The following BAZ2B variants were observed in gnomAD, a reference collection of about 807,000 sequenced individuals.
BAZ2B encodes the protein bromodomain adjacent to zinc finger domain protein 2B.
BAZ2B carries 91 observed loss-of-function variants against 246.0 expected under a neutral mutation model. The observed-to-expected ratio is 0.37, with a 90% CI of 0.31 to 0.44. The LOEUF is 0.44. BAZ2B is among the 20% of genes least tolerant of loss of function. BAZ2B has a pLI of 1.00. For missense variants in BAZ2B, 2,332 were observed against 2,533.7 expected (o/e 0.92, Z 1.71); for synonymous variants, 855 against 860.0 (o/e 0.99, Z 0.10).
At chr2:159,623,030 A>C in the BAZ2B span, among the ~76,000 whole-genome samples, 1 of 112,300 alleles carries the variant, frequency 8.9e-6, no homozygotes, top group Non-Finnish European at 1.8e-5. Context: ...AGAAAAGAAG[A>C]AAGAAAGAGG....
intron 2 of BAZ2B, among the ~76,000 whole-genome samples, chr2:159,491,701 A>G (rs561257948): frequency 2.9e-4 from 30 of 103,608 alleles, no homozygotes; most frequent in Non-Finnish European, 4.6e-4. Context: ...AGCCCGGGCG[A>G]CAGAGCGAGA....
At chr2:159,406,992 G>C (rs891992253) in intron 14 of BAZ2B, among the ~76,000 whole-genome samples, 1 of 151,792 alleles carries the variant, frequency 6.6e-6, no homozygotes, top group Non-Finnish European at 1.5e-5. Flanking sequence ...CTGACCTCGT[G>C]ATTCACCTGC....
In BAZ2B at chr2:159,594,052, A is replaced by G. The variant is rs533998892; in HGVS notation, c.-46+22190T>C. ...TTTCCAGGCCTTTCAATTCTCTTTGAACTAAATTCTCAGACAATAAAAACA... is the reference window on the plus strand; with the variant it reads ...TTTCCAGGCCTTTCAATTCTCTTTGGACTAAATTCTCAGACAATAAAAACA... On this transcript the variant is annotated intron_variant, in intron 1 of 36. Transcript: ENST00000392783. Among the ~76,000 whole-genome samples, 4 of 152,282 alleles carry G rather than the reference A, an allele frequency of 2.6e-5. No individual in the cohort carries two copies. The South Asian group carries it at 8.3e-4, about 32-fold the overall frequency.
chr2:159,337,797 T>C, intron 31 of BAZ2B, 25 bp from the exon 32 acceptor site: 5 of 1,593,494 alleles, frequency 3.1e-6, no homozygotes, highest in African/African-American at 1.3e-5. Context: ...AATAGTGTTA[T>C]TATGGTTTCC....
the BAZ2B span, among the ~76,000 whole-genome samples, chr2:159,622,289 A>AGGC: frequency 4.0e-3 from 461 of 116,570 alleles, 12 homozygotes; most frequent in Middle Eastern, 0.033. Flanking sequence ...AAAAAGGCAA[A>AGGC]AACCAAAGTG....
the BAZ2B span, among the ~76,000 whole-genome samples, chr2:159,673,998 T>C: frequency 1.5e-4 from 23 of 150,084 alleles, no homozygotes; most frequent in East Asian, 4.3e-3. Flanking sequence ...ATAGTTTTTA[T>C]TTAAGAACAT....
upstream of BAZ2B, among the ~76,000 whole-genome samples, chr2:159,617,853 A>G (rs1442763087): frequency 2.6e-5 from 4 of 152,196 alleles, no homozygotes; most frequent in East Asian, 1.9e-4. Flanking sequence ...TTGTAACATA[A>G]TAAGTGCAAG....
intron 2 of BAZ2B, among the ~76,000 whole-genome samples, chr2:159,496,373 T>A (rs1432597675): frequency 2.7e-4 from 11 of 41,086 alleles, no homozygotes; most frequent in East Asian, 7.0e-4. Context: ...CAAGACTCCA[T>A]CTAAAAAAAA....
chr2:159,541,966 CAAT>C (rs1162181390), intron 2 of BAZ2B, among the ~76,000 whole-genome samples: 2 of 151,906 alleles, frequency 1.3e-5, no homozygotes, highest in Non-Finnish European at 2.9e-5. Context: ...ATGAGAATAT[CAAT>C]AAAGAAACAG....
chr2:159,426,539 G>C (rs2069930268), intron 13 of BAZ2B, among the ~76,000 whole-genome samples: 1 of 151,878 alleles, frequency 6.6e-6, no homozygotes, highest in Non-Finnish European at 1.5e-5. Context: ...AAAATCTTTA[G>C]TTTTTAAAAA....
chr2:159,469,460 G>A (rs372716603), intron 3 of BAZ2B, among the ~76,000 whole-genome samples: 6 of 152,020 alleles, frequency 3.9e-5, no homozygotes, highest in East Asian at 3.9e-4. Context: ...TTTTGAGACC[G>A]AGTCTCGCTC....
intron 25 of BAZ2B, among the ~76,000 whole-genome samples, chr2:159,380,534 T>A (rs893722015): frequency 2.6e-5 from 4 of 152,168 alleles, no homozygotes; most frequent in Non-Finnish European, 5.9e-5. Context: ...GCAGGCCTGA[T>A]TGGTATCCTC....
At chr2:159,590,542 A>C (rs1170354010) in intron 1 of BAZ2B, among the ~76,000 whole-genome samples, 1 of 152,128 alleles carries the variant, frequency 6.6e-6, no homozygotes, top group Non-Finnish European at 1.5e-5. Flanking sequence ...CAGTGAGCCA[A>C]GATCGTGCCA....
chr2:159,332,802 A>G, intron 33 of BAZ2B, 116 bp from the exon 34 acceptor site: 2 of 1,188,626 alleles, frequency 1.7e-6, no homozygotes, highest in Non-Finnish European at 2.4e-6. Flanking sequence ...CCGCTTGCTT[A>G]CAAATATACA....
Position 159,400,643 on chromosome 2 carries a change from G to T in BAZ2B, c.2854C>A (p.Gln952Lys). 6.4e-7 allele frequency: 1 copy of T among 1,574,068 alleles called. No individual in the cohort carries two copies. The highest frequency in any genetic ancestry group is 1.1e-5 in the South Asian group (1 of 87,508). Residue 952 changes from glutamine to lysine, a missense_variant, in exon 17 of 37, where the codon CAA (glutamine) becomes AAA (lysine). Around this residue, in one of 9 missense-constraint regions of BAZ2B, gnomAD observed 651 missense variants for 650.9 expected, o/e 1.00. Coordinates refer to ENST00000392783, the MANE Select transcript of BAZ2B (RefSeq NM_013450.4). ...KQQEKIKRIQQIRMEKELRAQ... is the reference protein window; with the variant it reads ...KQQEKIKRIQKIRMEKELRAQ... The stretch of plus-strand genomic sequence containing the variant: ...CGAAGTTCTTTTTCCATTCTGATTT[G>T]CTGTATTCTCTTAATTTTTTCCTGT...
intron 3 of BAZ2B, among the ~76,000 whole-genome samples, chr2:159,476,309 AC>A (rs1429252752): frequency 1.3e-5 from 2 of 152,230 alleles, no homozygotes; most frequent in African/African-American, 4.8e-5. Flanking sequence ...TGTTTTAGGT[AC>A]TAAAAATATG....
At chr2:159,695,517 T>TA in the BAZ2B span, 1 of 152,170 alleles carries the variant, frequency 6.6e-6, no homozygotes, top group Non-Finnish European at 1.5e-5. Context: ...TTTTAGTACT[T>TA]AAAGTTAGAT....
intron 25 of BAZ2B, among the ~76,000 whole-genome samples, chr2:159,375,811 TATG>T (rs1361418405): frequency 2.6e-4 from 40 of 152,192 alleles, no homozygotes; most frequent in Non-Finnish European, 3.7e-4. Flanking sequence ...ATAAATAAAT[TATG>T]ATGTTAAGGT....
At chr2:159,706,068 T>C in the BAZ2B span, among the ~76,000 whole-genome samples, 1 of 86,534 alleles carries the variant, frequency 1.2e-5, no homozygotes, top group Non-Finnish European at 2.8e-5. Flanking sequence ...ATACCAGTAT[T>C]TCTGTAAACA....
Sources: allele counts gnomAD v4.1 joint callset (sites outside exome capture counted in the v4.1 genomes callset), GRCh38; gene constraint gnomAD v4.1.1; regional missense constraint gnomAD v4.1.1; transcripts MANE v1.5; gene names NCBI Gene and HGNC (gene_info 2026-07-23, HGNC 2026-07-21).